The following GRAMD4 variants were observed in gnomAD, a reference collection of about 807,000 sequenced individuals.
GRAMD4 encodes GRAM domain containing 4.
GRAMD4 carries 25 observed loss-of-function variants against 83.9 expected under a neutral mutation model. That is an observed-to-expected ratio of 0.30 (90% confidence interval 0.22 to 0.42). GRAMD4 has a LOEUF of 0.42. GRAMD4 is among the 10% of genes least tolerant of loss of function. The pLI, the probability that GRAMD4 is intolerant of heterozygous loss-of-function variation, is 1.00. For missense variants in GRAMD4, 593 were observed against 788.7 expected (o/e 0.75, Z 2.97); for synonymous variants, 336 against 320.9 (o/e 1.05, Z -0.50).
upstream of GRAMD4, among the ~76,000 whole-genome samples, chr22:46,619,182 GC>G (rs1291699203): frequency 1.4e-4 from 21 of 152,308 alleles, no homozygotes; most frequent in African/African-American, 5.1e-4. Flanking sequence ...AACAATAGTG[GC>G]CAAGGTCGGG....
chr22:46,618,674 C>G (rs551352620), upstream of GRAMD4, among the ~76,000 whole-genome samples: 7 of 151,986 alleles, frequency 4.6e-5, no homozygotes, highest in East Asian at 1.4e-3. This position sits in a 1 kb window ranked among gnomAD's most constrained non-coding sequence, Gnocchi z 5.8. Flanking sequence ...TCGGGAGGCA[C>G]GCGGCTGCCT....
At chr22:46,616,593 C>G (rs1279461879), upstream of GRAMD4, among the ~76,000 whole-genome samples, 5 of 138,130 alleles carry the variant, frequency 3.6e-5, no homozygotes, top group Non-Finnish European at 7.7e-5. Flanking sequence ...CGTGCAGGTT[C>G]CCCTGTGTGT....
intron 5 of GRAMD4, 103 bp downstream of exon 5, chr22:46,661,545 T>G: frequency 1.2e-6 from 1 of 822,142 alleles, no homozygotes; most frequent in Admixed American, 2.1e-5. Flanking sequence ...AGATACCCCC[T>G]CCCCCAGCAG....
rs1285503965 is a variant in GRAMD4 at position 46,677,820 on chromosome 22, C to T, written c.*569C>T. On this transcript the variant is annotated 3_prime_UTR_variant, in exon 19 of 19. Transcript: ENST00000406902. Reference sequence around the variant, plus strand: ...CTCCTGTGGCATTTGCCCTTGGTGCCGGGCTGGGGCCGGGCGCAGTGACCC... The same window carrying T: ...CTCCTGTGGCATTTGCCCTTGGTGCTGGGCTGGGGCCGGGCGCAGTGACCC... The T allele has an allele frequency of 2.2e-5, 22 of 985,552 alleles. No individual in the cohort carries two copies. Among genetic ancestry groups the T allele is most frequent in the South Asian group, 4.7e-5 (1 of 21,304 alleles). 61.1% of individuals were successfully genotyped at this position (985,552 alleles called of 1,614,324 possible). A position where few individuals can be genotyped will look rare whatever the true frequency, so the allele number is the denominator to read the frequency against.
chr22:46,619,985 C>G (rs372520873), upstream of GRAMD4, among the ~76,000 whole-genome samples: 2 of 152,080 alleles, frequency 1.3e-5, no homozygotes, highest in African/African-American at 4.8e-5. Flanking sequence ...GGATGAAGGG[C>G]GTGCCAGCAG....
Position 46,589,909 on chromosome 22 carries a change from T to A in GRAMD4, c.-50+12619T>A, listed in dbSNP as rs558416796. Among the ~76,000 whole-genome samples, 7 of 152,308 alleles carry A rather than the reference T, an allele frequency of 4.6e-5. 1 individual carries two copies. In the East Asian group the frequency reaches 1.4e-3, roughly 29 times the overall value. ...AGAGGCCTCCTGTCAACACCCTTTCTGCAGCTTTCTCCCTACCCCTTCAGC... is the reference window on the plus strand; with the variant it reads ...AGAGGCCTCCTGTCAACACCCTTTCAGCAGCTTTCTCCCTACCCCTTCAGC... On this transcript the variant is annotated intron_variant, in intron 1 of 1. Transcript: ENST00000431155.
chr22:46,616,554 GTTCCCCTGTGTGTGCGGC>G (rs1311642892), upstream of GRAMD4, among the ~76,000 whole-genome samples: 11 of 141,642 alleles, frequency 7.8e-5, no homozygotes, highest in Non-Finnish European at 1.7e-4. Context: ...GTGTGTGCAG[GTTCCCCTGTGTGTGCGGC>G]TTCCCCTGTG....
chr22:46,647,588 G>A (rs1028429890), intron 3 of GRAMD4, among the ~76,000 whole-genome samples: 2 of 152,242 alleles, frequency 1.3e-5, no homozygotes, highest in African/African-American at 2.4e-5. Context: ...GTTTTGCAAC[G>A]GCTGCAGGTC....
rs1569254347 is a variant in GRAMD4 at position 46,603,513 on chromosome 22, C to CTT, written c.-49-23237_-49-23236insTT. ...CATGAGCCACCGCGCCCGGCCTCTT[C>CTT]TCTTTTTTTTTTTTTTTTTTTGAGA... On this transcript the variant is annotated intron_variant, in intron 1 of 1. Coordinates refer to the GRAMD4 transcript ENST00000431155. Among the ~76,000 whole-genome samples the CTT allele has an allele frequency of 7.4e-4, 78 of 105,974 alleles. 7 individuals carry two copies. Among genetic ancestry groups the CTT allele is most frequent in the Middle Eastern group, 0.014 (2 of 138 alleles). The allele number at this position is 105,974 out of a possible 152,430, so 69.5% of individuals were successfully genotyped here. A position where few individuals can be genotyped will look rare whatever the true frequency, so the allele number is the denominator to read the frequency against.
chr22:46,670,825 T>C (rs976777982), intron 13 of GRAMD4, among the ~76,000 whole-genome samples: 2 of 152,072 alleles, frequency 1.3e-5, no homozygotes. Flanking sequence ...AGGCTGGTAT[T>C]GAACCCCTGA....
At chr22:46,600,075 A>C (rs927412814) in intron 1 of GRAMD4, among the ~76,000 whole-genome samples, 1 of 152,240 alleles carries the variant, frequency 6.6e-6, no homozygotes, top group Non-Finnish European at 1.5e-5. Context: ...TCCTTTAGTC[A>C]TAAAAGGATT....
At chr22:46,588,568 C>CG (rs2081174516) in intron 1 of GRAMD4, among the ~76,000 whole-genome samples, 2 of 152,236 alleles carry the variant, frequency 1.3e-5, no homozygotes, top group African/African-American at 4.8e-5. Flanking sequence ...CCCTGTCCCT[C>CG]GCAGTCTTAG....
chr22:46,622,303 C>T lies in GRAMD4; in HGVS notation c.-50+1738C>T, dbSNP rs1158200173. Reference sequence around the variant, plus strand: ...TGCTTTCCTTGGGTGGAGGCCAGCTCGGTGCCCTACACAGGGCCTGCAGGC... The same window carrying T: ...TGCTTTCCTTGGGTGGAGGCCAGCTTGGTGCCCTACACAGGGCCTGCAGGC... On this transcript the variant is annotated intron_variant, in intron 1 of 18. Transcript: ENST00000406902. This position sits in a 1 kb window ranked among gnomAD's most constrained non-coding sequence, Gnocchi z 4.0. Among the ~76,000 whole-genome samples, 3 of 152,176 alleles carry T rather than the reference C, an allele frequency of 2.0e-5. No individual in the cohort carries two copies. The highest frequency in any genetic ancestry group is 2.9e-5 in the Non-Finnish European group (2 of 68,026).
In GRAMD4 at chr22:46,579,092, C is replaced by G. The variant is rs564686459; in HGVS notation, c.-50+1802C>G. 1.2e-3 allele frequency among the ~76,000 whole-genome samples: 188 copies of G among 152,366 alleles called. 4 individuals carry two copies. Among genetic ancestry groups the G allele is most frequent in the East Asian group, 1.5e-3 (8 of 5,186 alleles). On this transcript the variant is annotated intron_variant, in intron 1 of 1. Coordinates refer to the GRAMD4 transcript ENST00000431155. ...GCGGGGCCTGTCCGGTGATGTCTGT[C>G]TTGCACTCTGGAGAGCACGGGAAAG... is the stretch of plus-strand genomic sequence containing the variant.
Position 46,674,694 on chromosome 22 carries a change from G to A in GRAMD4, c.1422G>A (p.Arg474=), listed in dbSNP as rs2082568115. 1 of 1,613,088 alleles carries A rather than the reference G, an allele frequency of 6.2e-7. No homozygotes were observed. Among genetic ancestry groups the A allele is most frequent in the Non-Finnish European group, 8.5e-7 (1 of 1,179,770 alleles). ...ENGWRCCLIN[R]DRKMPTDYIR... ...GCTGGCGCTGCTGCCTCATCAACAG[G>A]GACCGGAAGATGCCCACGGACTACA... Residue 474 remains arginine (R), a synonymous_variant, in exon 16 of 19, where the codon AGG becomes AGA. Transcript: ENST00000406902.
intron 8 of GRAMD4, 92 bp downstream of exon 8, chr22:46,664,209 G>C: frequency 1.1e-6 from 1 of 923,018 alleles, no homozygotes; most frequent in Non-Finnish European, 1.8e-6. Flanking sequence ...GGTGGGAGGT[G>C]GCCCCCAGGT....
chr22:46,660,233 G>A (rs747627928), intron 4 of GRAMD4, among the ~76,000 whole-genome samples: 3 of 152,178 alleles, frequency 2.0e-5, no homozygotes, highest in Non-Finnish European at 4.4e-5. Context: ...GGCAGTGAAG[G>A]AACATCCAGG....
At chr22:46,671,862 G>C (rs1431617837) in intron 13 of GRAMD4, among the ~76,000 whole-genome samples, 4 of 152,156 alleles carry the variant, frequency 2.6e-5, no homozygotes, top group Non-Finnish European at 4.4e-5. Flanking sequence ...GTTGAGAATT[G>C]GGGTCAAAAA....
intron 14 of GRAMD4, 32 bp downstream of exon 14, chr22:46,673,029 G>A (rs1020971340): frequency 6.6e-7 from 1 of 1,513,684 alleles, no homozygotes; most frequent in Non-Finnish European, 8.8e-7. Flanking sequence ...GGGGATGGGG[G>A]GATGGGGGGC....
Sources: gnomAD v4.1 joint callset for allele counts (sites outside exome capture counted in the v4.1 genomes callset) on GRCh38, gnomAD v4.1.1 for gene constraint, Gnocchi (gnomAD v3.1) non-coding constraint, MANE v1.5 for transcripts, NCBI Gene and HGNC (gene_info 2026-07-23, HGNC 2026-07-21) for gene names.